The following SDK1 variants were observed in gnomAD, a reference collection of about 807,000 sequenced individuals.
SDK1 encodes the protein sidekick cell adhesion molecule 1, also known as protein sidekick-1.
SDK1 carries 157 observed loss-of-function variants against 245.5 expected under a neutral mutation model. The observed-to-expected ratio is 0.64, with a 90% CI of 0.56 to 0.73. The LOEUF (loss-of-function observed/expected upper bound fraction) is 0.73. Ranked by LOEUF, SDK1 falls within the 30% of genes least tolerant of loss-of-function variation. SDK1 has a pLI of 0.00. For synonymous variants in SDK1, 1,647 were observed against 1,278.5 expected (o/e 1.29, Z -6.15); for missense variants, 3,583 against 3,002.3 (o/e 1.19, Z -4.52).
chr7:3,330,114 T>G (rs577206425), intron 1 of SDK1, among the ~76,000 whole-genome samples: 1 of 152,180 alleles, frequency 6.6e-6, no homozygotes, highest in African/African-American at 2.4e-5. Context: ...TTAACAGATA[T>G]TTGGGTTATT....
At chr7:4,119,316 A>G (rs1381726391) in intron 25 of SDK1, among the ~76,000 whole-genome samples, 2 of 147,994 alleles carry the variant, frequency 1.4e-5, no homozygotes, top group Non-Finnish European at 3.0e-5. Flanking sequence ...TTAGCCAGGC[A>G]TGGTAGCACA....
intron 22 of SDK1, 110 bp from the exon 23 acceptor site, chr7:4,110,553 G>A (rs1301341769): frequency 1.5e-5 from 11 of 735,664 alleles, no homozygotes; most frequent in Admixed American, 1.2e-4. Flanking sequence ...GTGTGGGGAC[G>A]CCTTGCAGCC....
At chr7:3,303,585 T>C (rs889458174) in intron 1 of SDK1, among the ~76,000 whole-genome samples, 4 of 140,768 alleles carry the variant, frequency 2.8e-5, no homozygotes, top group African/African-American at 1.1e-4. Context: ...GTTAGGAATA[T>C]TTTATTCCTT....
intron 1 of SDK1, among the ~76,000 whole-genome samples, chr7:3,593,299 G>C (rs1780944900): frequency 6.6e-6 from 1 of 152,092 alleles, no homozygotes. Context: ...TTCTGGTGTA[G>C]GGCGCATGGA....
chr7:3,906,399 TGAGA>T (rs148339952), intron 5 of SDK1, among the ~76,000 whole-genome samples: 11 of 149,912 alleles, frequency 7.3e-5, no homozygotes, highest in Non-Finnish European at 1.3e-4. Context: ...TGTGTGTGTG[TGAGA>T]GAGAGAGAGA....
intron 1 of SDK1, among the ~76,000 whole-genome samples, chr7:3,556,965 CAT>C (rs1463871438): frequency 2.6e-5 from 4 of 152,104 alleles, no homozygotes; most frequent in African/African-American, 9.6e-5. Context: ...AATATTTACA[CAT>C]ACTGTAGACT....
At chr7:3,944,344 G>A (rs1170132703) in intron 5 of SDK1, among the ~76,000 whole-genome samples, 1 of 152,236 alleles carries the variant, frequency 6.6e-6, no homozygotes, top group African/African-American at 2.4e-5. Context: ...TGGCTGCATG[G>A]CAGCTTGGCA....
rs1451309097 is a variant in SDK1 at position 3,652,004 on chromosome 7, T to C, written c.713+9899T>C. 2.6e-5 allele frequency among the ~76,000 whole-genome samples: 4 copies of C among 152,260 alleles called. No individual in the cohort carries two copies. In the East Asian group the frequency reaches 7.7e-4, roughly 29 times the overall value. ...ATTGCTGAAGGATCTATGAATGAGT[T>C]TGAGGAAGAAGGATACTGAATCTAG... is the stretch of plus-strand genomic sequence containing the variant. On this transcript the variant is annotated intron_variant, in intron 4 of 44. Coordinates refer to ENST00000404826, the MANE Select transcript of SDK1 (RefSeq NM_152744.4).
chr7:3,597,782 AT>A (rs1317990401), intron 1 of SDK1, among the ~76,000 whole-genome samples: 5 of 152,180 alleles, frequency 3.3e-5, no homozygotes, highest in African/African-American at 1.2e-4. Flanking sequence ...TTTTTCACCC[AT>A]CAAAATGTCT....
intron 19 of SDK1, among the ~76,000 whole-genome samples, chr7:4,058,032 G>T (rs982521083): frequency 2.0e-5 from 3 of 151,852 alleles, no homozygotes. Flanking sequence ...AAAGGAACAT[G>T]GTAATTCTCT....
At chr7:3,577,876 C>T (rs368136843) in intron 1 of SDK1, among the ~76,000 whole-genome samples, 9 of 151,982 alleles carry the variant, frequency 5.9e-5, no homozygotes, top group East Asian at 1.9e-4. Context: ...CATGTCCGTA[C>T]GCCTTAGAGG....
intron 22 of SDK1, among the ~76,000 whole-genome samples, chr7:4,090,990 T>A (rs1584097269): frequency 6.6e-6 from 1 of 152,226 alleles, no homozygotes. Flanking sequence ...GCCAGTCTTA[T>A]GATCAAAGTG....
At chr7:3,996,618 A>G (rs73040435) in intron 14 of SDK1, among the ~76,000 whole-genome samples, 3 of 152,222 alleles carry the variant, frequency 2.0e-5, no homozygotes, top group Non-Finnish European at 4.4e-5. Flanking sequence ...GTAAATAGCA[A>G]TTTTTCCCCA....
intron 4 of SDK1, among the ~76,000 whole-genome samples, chr7:3,730,383 A>G (rs546587011): frequency 6.6e-6 from 1 of 152,330 alleles, no homozygotes; most frequent in East Asian, 1.9e-4. Context: ...GAGTGAAGCC[A>G]GTGAATAGAA....
chr7:4,023,542 A>G (rs1787099127), intron 17 of SDK1, among the ~76,000 whole-genome samples: 1 of 152,216 alleles, frequency 6.6e-6, no homozygotes, highest in South Asian at 2.1e-4. Flanking sequence ...TTAAATTTAA[A>G]TAACCGAAAT....
chr7:3,550,290 A>G (rs1462198571), intron 1 of SDK1, among the ~76,000 whole-genome samples: 1 of 152,228 alleles, frequency 6.6e-6, no homozygotes, highest in Admixed American at 6.5e-5. Context: ...AGTGCCTGAA[A>G]TCATTCTAGC....
chr7:4,056,581 G>A (rs1175962905), intron 19 of SDK1, among the ~76,000 whole-genome samples: 3 of 152,054 alleles, frequency 2.0e-5, no homozygotes, highest in Non-Finnish European at 2.9e-5. Context: ...GAAAGGGAGA[G>A]ACCCCCGTGG....
At chr7:3,530,160 A>G (rs536373414) in intron 1 of SDK1, among the ~76,000 whole-genome samples, 3 of 152,314 alleles carry the variant, frequency 2.0e-5, no homozygotes, top group South Asian at 2.1e-4. Context: ...AGGACCCATT[A>G]TATTAGCTCA....
intron 31 of SDK1, 74 bp downstream of exon 31, chr7:4,158,625 G>A (rs887289132): frequency 4.6e-5 from 52 of 1,131,932 alleles, no homozygotes; most frequent in Non-Finnish European, 5.8e-5. Context: ...CCACACTTTC[G>A]TCTTGAGCCA....
Sources: gnomAD v4.1 joint callset for allele counts (sites outside exome capture counted in the v4.1 genomes callset) on GRCh38, gnomAD v4.1.1 for gene constraint, MANE v1.5 for transcripts, NCBI Gene and HGNC (gene_info 2026-07-23, HGNC 2026-07-21) for gene names.